GDPD3: variants seen among roughly 807,000 people sequenced by gnomAD.
GDPD3 encodes the protein glycerophosphodiester phosphodiesterase domain containing 3, also known as lysophospholipase D GDPD3.
In GDPD3, 40 loss-of-function variants were observed where a neutral mutation model predicts 43.7. The observed-to-expected ratio is 0.91, with a 90% confidence interval of 0.71 to 1.19. GDPD3 has a LOEUF of 1.19. Ranked by LOEUF, GDPD3 falls within the 50% of genes most tolerant of loss-of-function variation. The probability of loss-of-function intolerance (pLI) is 0.00; values close to 1 mark genes in which losing one functional copy is unlikely to be tolerated. For missense variants in GDPD3, 363 were observed against 415.8 expected, an observed-to-expected ratio of 0.87 and a Z score of 1.11; for synonymous variants, 145 against 162.9, an observed-to-expected ratio of 0.89 and a Z score of 0.84.
chr16:30,112,155 C>T lies in GDPD3; in HGVS notation c.550G>A (p.Val184Ile). Reference sequence around the variant, plus strand: ...ACGGCAGCCTTGCATTTCTTCATGACCGAGCTCTTCTCCGAGGCCCAGATG... The same window carrying T: ...ACGGCAGCCTTGCATTTCTTCATGATCGAGCTCTTCTCCGAGGCCCAGATG... ...ITIWASEKSS[V>I]MKKCKAANPE... Residue 184 changes from valine (V) to isoleucine (I), a missense_variant, in exon 6 of 10, where the codon GTC becomes ATC. Val to Ile is a conservative substitution (Grantham distance 29). Coordinates refer to ENST00000406256, the MANE Select transcript of GDPD3 (RefSeq NM_024307.3). The surrounding 1 kb of genome is among the most constrained non-coding windows in gnomAD (Gnocchi z 5.4). 1 of 1,613,998 alleles carries T rather than the reference C, an allele frequency of 6.2e-7. No individual in the cohort carries two copies. Among genetic ancestry groups the T allele is most frequent in the Non-Finnish European group, 8.5e-7 (1 of 1,179,958 alleles).
At chr16:30,108,475 C>G (rs1340275110) in intron 7 of GDPD3, 43 bp from the exon 8 acceptor site, 1 of 1,597,602 alleles carries the variant, frequency 6.3e-7, no homozygotes, top group African/African-American at 1.3e-5. Flanking sequence ...AGGGTCTCCC[C>G]TGTCCCAGAG....
At position 30,112,046 on chromosome 16, in the gene GDPD3, G is replaced by T. The variant is rs996990094; in HGVS notation, c.573+86C>A. 1.9e-6 allele frequency: 2 copies of T among 1,047,446 alleles called. No individual in the cohort carries two copies. Among genetic ancestry groups the T allele is most frequent in the South Asian group, 1.3e-5 (1 of 76,174 alleles). 64.9% of individuals were successfully genotyped at this position (1,047,446 alleles called of 1,614,324 possible). On this transcript the variant is annotated intron_variant, in intron 6 of 9. Transcript: ENST00000406256. The surrounding 1 kb of genome is among the most constrained non-coding windows in gnomAD (Gnocchi z 5.4). ...GAACTCTCCCAGACCCCTCTAGCTCGGGTCCCCATGCTGGGTGGGCTCCAG... is the reference window on the plus strand; with the variant it reads ...GAACTCTCCCAGACCCCTCTAGCTCTGGTCCCCATGCTGGGTGGGCTCCAG...
intron 9 of GDPD3, 120 bp from the exon 10 acceptor site, chr16:30,105,129 T>A (rs1435027556): frequency 2.3e-6 from 2 of 852,804 alleles, no homozygotes; most frequent in African/African-American, 3.4e-5. Context: ...ATTGTTAAAT[T>A]CTCAGGAATT....
rs752854385 is a variant in GDPD3 at position 30,108,238 on chromosome 16, C to T, written c.794G>A (p.Arg265Gln). 2.7e-5 allele frequency: 44 copies of T among 1,608,208 alleles called. 1 individual carries two copies. The East Asian group carries it at 5.6e-4, about 20-fold the overall frequency. The change falls in exon 9 of 10, where the codon CGA (arginine) becomes CAA (glutamine). Residue 265 changes from arginine to glutamine, a missense_variant. By Grantham distance (43) the Arg-to-Gln change is conservative. Coordinates refer to ENST00000406256, the MANE Select transcript of GDPD3 (RefSeq NM_024307.3). ...KWLIMRKSLI[R>Q]HLEERGVQVV... The stretch of plus-strand genomic sequence containing the variant: ...CTGCACCCCTCGCTCCTCCAAGTGT[C>T]GGATCAGACTCTTCCTCATGATCAG...
At position 30,108,391 on chromosome 16, in the gene GDPD3, A is replaced by G; in HGVS notation, c.749T>C (p.Leu250Ser). ...PFSCSCLNQL[L>S]AVVSKWLIMR... is the part of the protein sequence containing the mutation. The stretch of plus-strand genomic sequence containing the variant: ...ACCTCACCATTTCGAAACCACAGCC[A>G]ATAACTGGTTCAGGCAAGAGCAGGA... Residue 250 changes from leucine to serine, a missense_variant, in exon 8 of 10, where the codon TTG becomes TCG. Transcript: ENST00000406256. 1 of 1,614,044 alleles carries G rather than the reference A, an allele frequency of 6.2e-7. No homozygotes were observed. The highest frequency in any genetic ancestry group is 8.5e-7 in the Non-Finnish European group (1 of 1,180,010).
At chr16:30,109,973 A>ATC (rs916638524) in intron 7 of GDPD3, among the ~76,000 whole-genome samples, 1 of 152,152 alleles carries the variant, frequency 6.6e-6, no homozygotes, top group Non-Finnish European at 1.5e-5. Flanking sequence ...CTCTGGAGTC[A>ATC]GACCCAGGGA....
chr16:30,107,199 C>T (rs950460774), intron 9 of GDPD3, among the ~76,000 whole-genome samples: 9 of 152,144 alleles, frequency 5.9e-5, no homozygotes, highest in African/African-American at 1.9e-4. Context: ...CTCGAAACCC[C>T]GTGCTCAGGT....
In GDPD3 at chr16:30,112,600, C is replaced by A. The variant is rs775547129; in HGVS notation, c.319-32G>T. 1 of 1,613,960 alleles carries A rather than the reference C, an allele frequency of 6.2e-7. No homozygotes were observed. The highest frequency in any genetic ancestry group is 1.3e-5 in the African/African-American group (1 of 74,920). ...AGGACAGGAAGGATGTCACTAGAGGCCCGCATTGGGCATGGTGACTCTCAG... is the reference window on the plus strand; with the variant it reads ...AGGACAGGAAGGATGTCACTAGAGGACCGCATTGGGCATGGTGACTCTCAG... On this transcript the variant is annotated intron_variant, in intron 3 of 9. Coordinates refer to ENST00000406256, the MANE Select transcript of GDPD3 (RefSeq NM_024307.3). The surrounding 1 kb of genome is among the most constrained non-coding windows in gnomAD (Gnocchi z 5.4).
intron 7 of GDPD3, 58 bp downstream of exon 7, chr16:30,111,330 T>G: frequency 6.3e-7 from 1 of 1,582,110 alleles, no homozygotes; most frequent in Non-Finnish European, 8.6e-7. Context: ...CTGGGCTCCT[T>G]CTCCACGGAG....
Position 30,113,496 on chromosome 16 carries a change from A to G in GDPD3, c.-18T>C. 1 of 1,524,406 alleles carries G rather than the reference A, an allele frequency of 6.6e-7. No homozygotes were observed. The allele number at this position is 1,524,406 out of a possible 1,614,324, so 94.4% of individuals were successfully genotyped here. A position where few individuals can be genotyped will look rare whatever the true frequency, so the allele number is the denominator to read the frequency against. On this transcript the variant is annotated 5_prime_UTR_variant, in exon 1 of 10. Coordinates refer to ENST00000406256, the MANE Select transcript of GDPD3 (RefSeq NM_024307.3). This position sits in a 1 kb window ranked among gnomAD's most constrained non-coding sequence, Gnocchi z 5.9. Reference sequence around the variant, plus strand: ...AGGCTCATGACCGTACTCCCACAGAAGCTCCTGCAGCCACACGCTCAGCCG... The same window carrying G: ...AGGCTCATGACCGTACTCCCACAGAGGCTCCTGCAGCCACACGCTCAGCCG...
In GDPD3 at chr16:30,112,325, T is replaced by A. The variant is rs143388174; in HGVS notation, c.464A>T (p.Asn155Ile). ...CACCACCTCACGGATGAGCTCTTCG[T>A]TCTTCCCTTTGATCTCTACGCTCAT... is the stretch of plus-strand genomic sequence containing the variant. ...TPMSVEIKGK[N>I]EELIREIAGL... Residue 155 changes from asparagine to isoleucine, a missense_variant, in exon 5 of 10, where the codon AAC becomes ATC. Coordinates refer to ENST00000406256, the MANE Select transcript of GDPD3 (RefSeq NM_024307.3). The surrounding 1 kb of genome is among the most constrained non-coding windows in gnomAD (Gnocchi z 5.4). The A allele has an allele frequency of 6.2e-7, 1 of 1,614,190 alleles. No homozygotes were observed. Among genetic ancestry groups the A allele is most frequent in the Admixed American group, 1.7e-5 (1 of 60,024 alleles).
intron 6 of GDPD3, chr16:30,111,887 C>G: frequency 8.8e-6 from 5 of 569,614 alleles, no homozygotes; most frequent in Non-Finnish European, 1.6e-5. Flanking sequence ...GAGCCGAGGT[C>G]GCACCACCGC....
rs754253043 is a variant in GDPD3 at position 30,104,940 on chromosome 16, T to C, written c.889A>G (p.Ile297Val). Residue 297 changes from isoleucine (I) to valine (V), a missense_variant, in exon 10 of 10, where the codon ATA (isoleucine) becomes GTA (valine). Ile to Val is a conservative substitution (Grantham distance 29). Transcript: ENST00000406256. Reference sequence around the variant, plus strand: ...CGCAGGGCTGTGGGATAATCCGTTATGACGCCAGTGGCTCCCACGCTGAAG... The same window carrying C: ...CGCAGGGCTGTGGGATAATCCGTTACGACGCCAGTGGCTCCCACGCTGAAG... Reference protein sequence around the residue: ...AAFSVGATGVITDYPTALRHY... With the variant: ...AAFSVGATGVVTDYPTALRHY... 2 of 1,612,944 alleles carry C rather than the reference T, an allele frequency of 1.2e-6. No individual in the cohort carries two copies. Among genetic ancestry groups the C allele is most frequent in the East Asian group, 2.2e-5 (1 of 44,882 alleles).
chr16:30,112,070 A>C lies in GDPD3; in HGVS notation c.573+62T>G, dbSNP rs894031389. On this transcript the variant is annotated intron_variant, in intron 6 of 9. Coordinates refer to ENST00000406256, the MANE Select transcript of GDPD3 (RefSeq NM_024307.3). This position sits in a 1 kb window ranked among gnomAD's most constrained non-coding sequence, Gnocchi z 5.4. ...CGGGTCCCCATGCTGGGTGGGCTCC[A>C]GCTCTGGGGAGGAGGGGCCCCTGGA... 2.2e-6 allele frequency: 3 copies of C among 1,347,928 alleles called. No individual in the cohort carries two copies. Among genetic ancestry groups the C allele is most frequent in the South Asian group, 1.2e-5 (1 of 85,050 alleles). The allele number at this position is 1,347,928 out of a possible 1,614,324, so 83.5% of individuals were successfully genotyped here.
At position 30,113,142 on chromosome 16, in the gene GDPD3, T is replaced by G. The variant is rs2151042399; in HGVS notation, c.140-78A>C. 7.0e-7 allele frequency: 1 copy of G among 1,427,418 alleles called. No individual in the cohort carries two copies. Among genetic ancestry groups the G allele is most frequent in the Non-Finnish European group, 9.7e-7 (1 of 1,028,550 alleles). The allele number at this position is 1,427,418 out of a possible 1,614,324, so 88.4% of individuals were successfully genotyped here. A position where few individuals can be genotyped will look rare whatever the true frequency, so the allele number is the denominator to read the frequency against. ...CCAACCTCATCACCCACATTCCCTC[T>G]CTGGGCTCCATCCTCCCTCTGGCCT... On this transcript the variant is annotated intron_variant, in intron 1 of 9. Coordinates refer to ENST00000406256, the MANE Select transcript of GDPD3 (RefSeq NM_024307.3). The surrounding 1 kb of genome is among the most constrained non-coding windows in gnomAD (Gnocchi z 5.9).
rs370294642 is a variant in GDPD3 at position 30,108,268 on chromosome 16, G to C, written c.768-4C>G. On this transcript the variant is annotated splice_polypyrimidine_tract_variant and splice_region_variant and intron_variant, in intron 8 of 9. Coordinates refer to ENST00000406256, the MANE Select transcript of GDPD3 (RefSeq NM_024307.3). Reference sequence around the variant, plus strand: ...CAGACTCTTCCTCATGATCAGCCTGGGGGTGGGGTGGGGACGTGGGAGGTG... The same window carrying C: ...CAGACTCTTCCTCATGATCAGCCTGCGGGTGGGGTGGGGACGTGGGAGGTG... 1.1e-5 allele frequency: 18 copies of C among 1,612,518 alleles called. No homozygotes were observed. Among genetic ancestry groups the C allele is most frequent in the Non-Finnish European group, 1.5e-5 (18 of 1,179,292 alleles).
Position 30,106,929 on chromosome 16 carries a change from G to A in GDPD3, c.819+1284C>T, listed in dbSNP as rs149303599. 5.1e-3 allele frequency among the ~76,000 whole-genome samples: 778 copies of A among 151,868 alleles called. 18 individuals are homozygous for A. Among genetic ancestry groups the A allele is most frequent in the Middle Eastern group, 0.045 (13 of 288 alleles). On this transcript the variant is annotated intron_variant, in intron 9 of 9. Transcript: ENST00000406256. ...TCACAATGTTGGCCAGGCTGGTCTC[G>A]AACTCCTGACCTTAGTTGATCCGCT...
At chr16:30,107,981 C>G (rs1257953789) in intron 9 of GDPD3, 1 of 332,216 alleles carries the variant, frequency 3.0e-6, no homozygotes, top group Non-Finnish European at 5.4e-6. Context: ...CAGAGTGAGA[C>G]TCTTGACACA....
In GDPD3 at chr16:30,111,558, T is replaced by G. The variant is rs150090422; in HGVS notation, c.574-37A>C. ...AGGAGAGGCATGAGAATCTGTCTGCTCTGGGGAAGCAGAGAGGAGGCATGA... is the reference window on the plus strand; with the variant it reads ...AGGAGAGGCATGAGAATCTGTCTGCGCTGGGGAAGCAGAGAGGAGGCATGA... On this transcript the variant is annotated intron_variant, in intron 6 of 9. Transcript: ENST00000406256. 36 of 1,610,230 alleles carry G rather than the reference T, an allele frequency of 2.2e-5. 1 individual carries two copies. The African/African-American group carries it at 4.7e-4, about 21-fold the overall frequency.
Sources: allele counts gnomAD v4.1 joint callset (sites outside exome capture counted in the v4.1 genomes callset), GRCh38; gene constraint gnomAD v4.1.1; non-coding constraint Gnocchi (gnomAD v3.1); transcripts MANE v1.5; gene names NCBI Gene and HGNC (gene_info 2026-07-23, HGNC 2026-07-21).